The following LY75 variants were observed in gnomAD, a reference collection of about 807,000 sequenced individuals.
LY75 encodes C-type lectin domain family 13 member B.
Under a neutral mutation model 231.7 loss-of-function variants are expected in LY75, and 185 were observed. That is an observed-to-expected ratio of 0.80 (90% confidence interval 0.71 to 0.90). The LOEUF (loss-of-function observed/expected upper bound fraction) is 0.90. Among genes scored for constraint, LY75 ranks in the 40% least tolerant of loss-of-function variants. The pLI is 0.00. For missense variants in LY75, 1,947 were observed against 2,050.2 expected, an observed-to-expected ratio of 0.95 and a Z score of 0.97; for synonymous variants, 668 against 689.0, an observed-to-expected ratio of 0.97 and a Z score of 0.48.
rs1437551359 is a variant in LY75 at position 159,886,673 on chromosome 2, A to G, written c.803-143T>C. On this transcript the variant is annotated intron_variant, in intron 4 of 34. Coordinates refer to ENST00000263636, the MANE Select transcript of LY75 (RefSeq NM_002349.4). ...CTGTAGAGGGCTGTTTATGCATCAA[A>G]GGTAGGCAATGCTAATAGACAAAAA... 4.0e-5 allele frequency: 30 copies of G among 750,314 alleles called. 1 individual carries two copies. In the South Asian group the frequency reaches 4.2e-4, roughly 10 times the overall value. The allele number at this position is 750,314 out of a possible 1,614,324, so 46.5% of individuals were successfully genotyped here. A position where few individuals can be genotyped will look rare whatever the true frequency, so the allele number is the denominator to read the frequency against.
At chr2:159,877,319 A>G (rs1435658479) in intron 11 of LY75, among the ~76,000 whole-genome samples, 2 of 152,338 alleles carry the variant, frequency 1.3e-5, no homozygotes, top group East Asian at 1.9e-4. Context: ...ACAATAAAAT[A>G]TAAATAATTC....
chr2:159,885,192 C>T lies in LY75; in HGVS notation c.1015G>A (p.Val339Ile). 1 of 1,613,596 alleles carries T rather than the reference C, an allele frequency of 6.2e-7. No homozygotes were observed. Residue 339 changes from valine (V) to isoleucine (I), a missense_variant, in exon 6 of 35, where the codon GTC becomes ATC. Val to Ile is a conservative substitution (Grantham distance 29). Coordinates refer to ENST00000263636, the MANE Select transcript of LY75 (RefSeq NM_002349.4). Reference protein sequence around the residue: ...SFSCEAQLPYVCRKPLNNTVE... With the variant: ...SFSCEAQLPYICRKPLNNTVE... ...GTATTATTTAATGGTTTCCTGCAGACATAGGGCAGTTGAGCTTCACAGGAA... is the reference window on the plus strand; with the variant it reads ...GTATTATTTAATGGTTTCCTGCAGATATAGGGCAGTTGAGCTTCACAGGAA...
chr2:159,882,922 G>A (rs1574590029), intron 6 of LY75, among the ~76,000 whole-genome samples: 1 of 152,020 alleles, frequency 6.6e-6, no homozygotes, highest in Non-Finnish European at 1.5e-5. Context: ...TGGAATTAGT[G>A]ATTCTGTTTT....
At chr2:159,836,583 G>A (rs1033471300) in intron 25 of LY75, among the ~76,000 whole-genome samples, 4 of 152,186 alleles carry the variant, frequency 2.6e-5, no homozygotes. Context: ...GCTTTCCTGA[G>A]TCCCAAGACA....
At position 159,864,854 on chromosome 2, in the gene LY75, C is replaced by T. The variant is rs985441945; in HGVS notation, c.2184G>A (p.Trp728Ter). 1.9e-6 allele frequency: 3 copies of T among 1,603,526 alleles called. No homozygotes were observed. The highest frequency in any genetic ancestry group is 2.6e-6 in the Non-Finnish European group (3 of 1,175,032). The change falls in exon 14 of 35, where the codon TGG becomes TGA. Residue 728 changes from tryptophan (W) to a stop codon, truncating the protein, a stop_gained. Coordinates refer to ENST00000263636, the MANE Select transcript of LY75 (RefSeq NM_002349.4). LOFTEE classifies it high-confidence loss of function. ...RSPDLQGSWQ[W>*]SDRTPVSTII... ...TTTAACTTACTGGTGTACGATCACTCCATTGCCAGGATCCTTGTAAATCTG... is the reference window on the plus strand; with the variant it reads ...TTTAACTTACTGGTGTACGATCACTTCATTGCCAGGATCCTTGTAAATCTG...
At chr2:159,894,356 G>A in intron 2 of LY75, among the ~76,000 whole-genome samples, 1 of 152,186 alleles carries the variant, frequency 6.6e-6, no homozygotes, top group East Asian at 1.9e-4. Context: ...ACCATGTGAA[G>A]CTTCACTTAC....
intron 1 of LY75, 36 bp from the exon 2 acceptor site, chr2:159,899,095 G>A (rs759642478): frequency 1.3e-6 from 2 of 1,589,204 alleles, no homozygotes; most frequent in South Asian, 2.3e-5. Context: ...TAGATTATGT[G>A]GTTGAAGCGC....
intron 11 of LY75, among the ~76,000 whole-genome samples, chr2:159,876,099 A>T (rs542986131): frequency 1.1e-4 from 16 of 152,330 alleles, no homozygotes; most frequent in African/African-American, 3.6e-4. Flanking sequence ...ATCCAAAGGA[A>T]AAGCTGGTAC....
At chr2:159,829,084 A>T (rs1271322946) in intron 28 of LY75, among the ~76,000 whole-genome samples, 6 of 152,182 alleles carry the variant, frequency 3.9e-5, no homozygotes, top group Non-Finnish European at 4.4e-5. Flanking sequence ...AAAAGGTGCT[A>T]GGCATATTAC....
chr2:159,861,442 A>C (rs1186781703), intron 14 of LY75, among the ~76,000 whole-genome samples: 1 of 152,148 alleles, frequency 6.6e-6, no homozygotes, highest in Non-Finnish European at 1.5e-5. Context: ...CAAACAAATA[A>C]TTTCCTCCAA....
chr2:159,881,346 T>TCTA, intron 7 of LY75, 106 bp from the exon 8 acceptor site: 5 of 1,268,570 alleles, frequency 3.9e-6, no homozygotes, highest in Non-Finnish European at 5.2e-6. Flanking sequence ...TAAGAGCCTT[T>TCTA]GTAGTATTCT....
At chr2:159,818,501 C>G (rs1574525559) in intron 29 of LY75, among the ~76,000 whole-genome samples, 1 of 152,070 alleles carries the variant, frequency 6.6e-6, no homozygotes, top group Admixed American at 6.5e-5. Flanking sequence ...TAAGAAAAGT[C>G]TGAGAAAACA....
intron 31 of LY75, among the ~76,000 whole-genome samples, chr2:159,814,709 GGAAAA>G (rs1045128911): frequency 7.3e-4 from 110 of 149,764 alleles, no homozygotes; most frequent in Admixed American, 1.1e-3. Context: ...AGAAAAGAAA[GGAAAA>G]GAAAAGAAAA....
chr2:159,805,237 G>A lies in LY75; in HGVS notation c.4991-15C>T, dbSNP rs184578661. 1.6e-5 allele frequency: 26 copies of A among 1,607,704 alleles called. 1 individual carries two copies. The African/African-American group carries it at 2.7e-4, about 17-fold the overall frequency. ...GTAATCAGGGCCTGGAACAGGAAAA[G>A]GTTTGATGTTGGAGGAGAGAATACA... On this transcript the variant is annotated splice_polypyrimidine_tract_variant and intron_variant, in intron 34 of 34. Coordinates refer to ENST00000263636, the MANE Select transcript of LY75 (RefSeq NM_002349.4).
chr2:159,859,895 A>T (rs1560085885), intron 15 of LY75, among the ~76,000 whole-genome samples: 1 of 152,168 alleles, frequency 6.6e-6, no homozygotes, highest in East Asian at 1.9e-4. Flanking sequence ...CATCACCACC[A>T]CCATGGACCA....
chr2:159,831,552 G>A, intron 28 of LY75, 118 bp downstream of exon 28: 1 of 1,098,694 alleles, frequency 9.1e-7, no homozygotes, highest in Non-Finnish European at 1.3e-6. Flanking sequence ...GTTATGCTAA[G>A]TACATAATTA....
chr2:159,887,955 G>A (rs557625196), intron 4 of LY75, among the ~76,000 whole-genome samples: 2 of 152,124 alleles, frequency 1.3e-5, no homozygotes, highest in Admixed American at 6.5e-5. Context: ...TGAATTTATC[G>A]GCACTTTTCA....
rs147334060 is a variant in LY75 at position 159,866,459 on chromosome 2, C to T, written c.2118-1539G>A. Among the ~76,000 whole-genome samples the T allele has an allele frequency of 2.0e-5, 3 of 152,096 alleles. No individual in the cohort carries two copies. In the East Asian group the frequency reaches 5.8e-4, roughly 29 times the overall value. On this transcript the variant is annotated intron_variant, in intron 13 of 34. Coordinates refer to ENST00000263636, the MANE Select transcript of LY75 (RefSeq NM_002349.4). ...TTGGTTTTTATTGTTATCTTGTTTT[C>T]TTTCATAGAGACAGATCCACCAATT...
intron 25 of LY75, 32 bp from the exon 26 acceptor site, chr2:159,835,677 A>G (rs754738865): frequency 1.9e-6 from 3 of 1,605,824 alleles, no homozygotes; most frequent in Non-Finnish European, 2.5e-6. Context: ...TTCAGGTGGC[A>G]ATATTGATGT....
Sources: gnomAD v4.1 joint callset for allele counts (sites outside exome capture counted in the v4.1 genomes callset) on GRCh38, gnomAD v4.1.1 for gene constraint, MANE v1.5 for transcripts, NCBI Gene and HGNC (gene_info 2026-07-23, HGNC 2026-07-21) for gene names.